IGSF11: variants seen among roughly 807,000 people sequenced by gnomAD.
IGSF11 encodes CXADR like 1.
Under a neutral mutation model 41.0 loss-of-function variants are expected in IGSF11, and 22 were observed. The observed-to-expected ratio is 0.54, with a 90% confidence interval of 0.38 to 0.77. The LOEUF is 0.77. Among genes scored for constraint, IGSF11 ranks in the 30% least tolerant of loss-of-function variants. IGSF11 has a pLI of 0.00. For missense variants in IGSF11, 444 were observed against 530.8 expected, an observed-to-expected ratio of 0.84 and a Z score of 1.61; for synonymous variants, 219 against 201.3, an observed-to-expected ratio of 1.09 and a Z score of -0.74.
intron 1 of IGSF11, among the ~76,000 whole-genome samples, chr3:119,128,997 C>T (rs568607161): frequency 1.3e-5 from 2 of 152,278 alleles, no homozygotes; most frequent in East Asian, 3.9e-4. Flanking sequence ...AAAATGAGAT[C>T]GTGTCCTTTG....
intron 1 of IGSF11, among the ~76,000 whole-genome samples, chr3:119,082,389 T>C (rs1286244252): frequency 6.6e-6 from 1 of 152,134 alleles, no homozygotes; most frequent in Non-Finnish European, 1.5e-5. Context: ...AGTTATAAGA[T>C]ACAGAGTCTC....
At chr3:119,108,657 G>A (rs936049422), upstream of IGSF11, among the ~76,000 whole-genome samples, 2 of 124,858 alleles carry the variant, frequency 1.6e-5, no homozygotes, top group African/African-American at 2.9e-5. Flanking sequence ...GGGCCTCCCT[G>A]TCTTGTGCCA....
chr3:119,015,974 T>C lies in IGSF11; in HGVS notation c.52+18557A>G, dbSNP rs148020512. On this transcript the variant is annotated intron_variant, in intron 1 of 6. Transcript: ENST00000393775. ...AACATGAACCATCTAGTCTAACCAC[T>C]GAATGGGGGTGCAGGTGCAAAACTC... Among the ~76,000 whole-genome samples, 7 of 152,192 alleles carry C rather than the reference T, an allele frequency of 4.6e-5. No individual in the cohort carries two copies. In the East Asian group the frequency reaches 1.4e-3, roughly 29 times the overall value.
intron 4 of IGSF11, among the ~76,000 whole-genome samples, chr3:118,914,484 A>G (rs936402501): frequency 6.6e-6 from 1 of 151,392 alleles, no homozygotes; most frequent in African/African-American, 2.4e-5. Flanking sequence ...CGAGTCAAAG[A>G]AAGGGGTGAC....
intron 1 of IGSF11, among the ~76,000 whole-genome samples, chr3:118,967,413 C>A (rs1181134172): frequency 6.6e-6 from 1 of 152,100 alleles, no homozygotes; most frequent in East Asian, 1.9e-4. Flanking sequence ...ATTAACTCTT[C>A]AAAACAAAAT....
At chr3:119,063,086 C>T (rs1942104594) in intron 1 of IGSF11, among the ~76,000 whole-genome samples, 1 of 152,124 alleles carries the variant, frequency 6.6e-6, no homozygotes, top group Non-Finnish European at 1.5e-5. Context: ...GTCCAGGGTA[C>T]TGGTGATAAT....
chr3:119,021,330 A>G (rs1939266808), intron 1 of IGSF11, among the ~76,000 whole-genome samples: 1 of 152,198 alleles, frequency 6.6e-6, no homozygotes, highest in South Asian at 2.1e-4. Context: ...TAATGAAGTA[A>G]AAGGATATGA....
In IGSF11 at chr3:118,915,154, G is replaced by GA. The variant is rs1940932838; in HGVS notation, c.581-9437dup. ...AAGTAGATAAAACCACAAAGATGGG[G>GA]AAAAAACAGAACAGAAAAACTGGAA... is the stretch of plus-strand genomic sequence containing the variant. On this transcript the variant is annotated intron_variant, in intron 4 of 6. Transcript: ENST00000393775. 3.1e-5 allele frequency among the ~76,000 whole-genome samples: 4 copies of GA among 129,090 alleles called. 1 individual carries two copies. The Admixed American group carries it at 3.3e-4, about 11-fold the overall frequency. The allele number at this position is 129,090 out of a possible 152,430, so 84.7% of individuals were successfully genotyped here.
chr3:119,102,588 T>C lies in IGSF11; in HGVS notation c.49+2556A>G, dbSNP rs779723969. On this transcript the variant is annotated intron_variant, in intron 1 of 6. Coordinates refer to the IGSF11 transcript ENST00000354673. ...CAAGACATTTTTTGTTTCTAGAAAA[T>C]ATTTTTGAATTATATATTCAAATAT... Among the ~76,000 whole-genome samples, 51 of 152,224 alleles carry C rather than the reference T, an allele frequency of 3.4e-4. 1 individual carries two copies. The highest frequency in any genetic ancestry group is 4.1e-4 in the Non-Finnish European group (28 of 68,036).
intron 4 of IGSF11, among the ~76,000 whole-genome samples, chr3:118,922,613 T>TAG (rs1941917110): frequency 6.6e-6 from 1 of 152,140 alleles, no homozygotes; most frequent in African/African-American, 2.4e-5. Context: ...AACCACCATT[T>TAG]TATTCTCTGT....
intron 1 of IGSF11, among the ~76,000 whole-genome samples, chr3:118,982,931 A>C (rs1467210398): frequency 6.6e-6 from 1 of 152,214 alleles, no homozygotes; most frequent in African/African-American, 2.4e-5. Flanking sequence ...AATTCAGTCT[A>C]GTATCACCTT....
At chr3:118,995,330 T>C (rs1041530097) in intron 1 of IGSF11, among the ~76,000 whole-genome samples, 5 of 152,150 alleles carry the variant, frequency 3.3e-5, no homozygotes, top group East Asian at 3.9e-4. Context: ...GTTGAAACAC[T>C]GGAAGGCCTG....
intron 1 of IGSF11, among the ~76,000 whole-genome samples, chr3:119,130,953 G>T (rs1051590145): frequency 6.6e-6 from 1 of 152,212 alleles, no homozygotes; most frequent in Non-Finnish European, 1.5e-5. Flanking sequence ...CAGACCTGCA[G>T]CTGAGGGATC....
At chr3:119,085,265 T>G (rs1406379487) in intron 1 of IGSF11, among the ~76,000 whole-genome samples, 1 of 152,206 alleles carries the variant, frequency 6.6e-6, no homozygotes, top group Non-Finnish European at 1.5e-5. Flanking sequence ...CCTACTGGAT[T>G]GTAGCCCAAA....
chr3:119,037,530 G>T (rs1410238948), upstream of IGSF11, among the ~76,000 whole-genome samples: 2 of 152,198 alleles, frequency 1.3e-5, no homozygotes, highest in African/African-American at 4.8e-5. Flanking sequence ...GAGAGTTATA[G>T]TTGGTCTACC....
chr3:119,001,811 T>G (rs1397299860), intron 1 of IGSF11, among the ~76,000 whole-genome samples: 1,565 of 144,324 alleles, frequency 0.011, 29 homozygotes, highest in African/African-American at 0.04. Context: ...TCATCATTTT[T>G]TATGGCTGCA....
At chr3:118,995,390 C>A (rs1340840243) in intron 1 of IGSF11, among the ~76,000 whole-genome samples, 1 of 152,056 alleles carries the variant, frequency 6.6e-6, no homozygotes, top group African/African-American at 2.4e-5. Context: ...ACTGAAGAAC[C>A]CTGACAGCTC....
intron 1 of IGSF11, among the ~76,000 whole-genome samples, chr3:119,099,487 A>G (rs1057276875): frequency 1.3e-5 from 2 of 152,204 alleles, no homozygotes; most frequent in African/African-American, 4.8e-5. Context: ...ATGCTTCCCA[A>G]AGTAAATGGT....
chr3:119,023,146 C>T (rs1382270176), intron 1 of IGSF11, among the ~76,000 whole-genome samples: 1 of 151,762 alleles, frequency 6.6e-6, no homozygotes, highest in African/African-American at 2.4e-5. Flanking sequence ...CCTGTAATCC[C>T]AGCTACTCGG....
Sources: gnomAD v4.1 joint callset for allele counts (sites outside exome capture counted in the v4.1 genomes callset) on GRCh38, gnomAD v4.1.1 for gene constraint, MANE v1.5 for transcripts, NCBI Gene and HGNC (gene_info 2026-07-23, HGNC 2026-07-21) for gene names.